Variants in RFTN1 observed in about 807,000 individuals in gnomAD.
RFTN1 encodes raftlin, lipid raft linker 1.
A neutral mutation model predicts 46.5 loss-of-function variants in RFTN1; 26 were observed. That is an observed-to-expected ratio of 0.56 (90% confidence interval 0.41 to 0.78). The LOEUF (loss-of-function observed/expected upper bound fraction) is 0.78, where lower values mean the gene tolerates loss of function less well. RFTN1 is among the 30% of genes least tolerant of loss of function. The pLI, the probability that RFTN1 is intolerant of heterozygous loss-of-function variation, is 0.00. For missense variants in RFTN1, 693 were observed against 718.7 expected (o/e 0.96, Z 0.41); for synonymous variants, 261 against 284.2 (o/e 0.92, Z 0.82).
intron 2 of RFTN1, among the ~76,000 whole-genome samples, chr3:16,470,837 A>C (rs955652424): frequency 6.6e-6 from 1 of 152,242 alleles, no homozygotes; most frequent in Non-Finnish European, 1.5e-5. Flanking sequence ...GTCATAAAAA[A>C]TGTTACCCAT....
chr3:16,363,343 A>G (rs983402471), intron 6 of RFTN1, among the ~76,000 whole-genome samples: 4 of 152,204 alleles, frequency 2.6e-5, no homozygotes, highest in Non-Finnish European at 4.4e-5. Flanking sequence ...CGTCTATGGA[A>G]AACATTCCAT....
chr3:16,405,624 T>C (rs558496384), intron 4 of RFTN1, among the ~76,000 whole-genome samples: 1 of 152,318 alleles, frequency 6.6e-6, no homozygotes, highest in East Asian at 1.9e-4. Context: ...CTTTTCCTAA[T>C]TGTGAGAAAT....
rs1305176133 is a variant in RFTN1, at chr3:16,507,284, A to C, written c.-9+6158T>G. 6.6e-6 allele frequency among the ~76,000 whole-genome samples: 1 copy of C among 152,202 alleles called. No homozygotes were observed. The highest frequency in any genetic ancestry group is 1.5e-5 in the Non-Finnish European group (1 of 68,038). ...TTTTGACCTACTCTGGCCTATAGTC[A>C]TGATTATGCCACACTGAAAAGGGCA... On this transcript the variant is annotated intron_variant, in intron 1 of 9. Coordinates refer to ENST00000334133, the MANE Select transcript of RFTN1 (RefSeq NM_015150.2). This position sits in a 1 kb window ranked among gnomAD's most constrained non-coding sequence, Gnocchi z 7.1.
At position 16,433,912 on chromosome 3, in the gene RFTN1, C is replaced by T. The variant is rs764801487; in HGVS notation, c.271G>A (p.Glu91Lys). Residue 91 changes from glutamate (E) to lysine (K), a missense_variant, in exon 3 of 10, where the codon GAG becomes AAG. By Grantham distance (56) the Glu-to-Lys change is moderately conservative. Transcript: ENST00000334133. This position sits in a 1 kb window ranked among gnomAD's most constrained non-coding sequence, Gnocchi z 4.4. Reference protein sequence around the residue: ...ALHPFVQPTHEREKTPLEHIF... With the variant: ...ALHPFVQPTHKREKTPLEHIF... ...TGCTCCAGGGGCGTCTTCTCCCGCT[C>T]ATGGGTGGGCTGCACGAAGGGGTGC... 42 of 1,614,094 alleles carry T rather than the reference C, an allele frequency of 2.6e-5. No homozygotes were observed. Among genetic ancestry groups the T allele is most frequent in the Middle Eastern group, 1.6e-4 (1 of 6,080 alleles).
At chr3:16,478,060 G>C (rs1227068144) in intron 2 of RFTN1, among the ~76,000 whole-genome samples, 1 of 152,180 alleles carries the variant, frequency 6.6e-6, no homozygotes, top group Non-Finnish European at 1.5e-5. Flanking sequence ...CTTGTTGATG[G>C]TCTTTAAAGG....
chr3:16,367,303 G>A (rs1575146419), intron 6 of RFTN1, among the ~76,000 whole-genome samples: 1 of 151,598 alleles, frequency 6.6e-6, no homozygotes, highest in African/African-American at 2.4e-5. Context: ...CTTAATTCTG[G>A]GAAAAGATCA....
In RFTN1 at chr3:16,317,628, A is replaced by C. The variant is rs553221609; in HGVS notation, c.1333-396T>G. Among the ~76,000 whole-genome samples the C allele has an allele frequency of 6.6e-6, 1 of 152,294 alleles. No individual in the cohort carries two copies. The highest frequency in any genetic ancestry group is 6.5e-5 in the Admixed American group (1 of 15,306). ...GCTGCAGCTACTCATTTCCATTCTG[A>C]GCAGGCTGAGGATTACCAGGCACGG... On this transcript the variant is annotated intron_variant, in intron 9 of 9. Transcript: ENST00000334133. The surrounding 1 kb of genome is among the most constrained non-coding windows in gnomAD (Gnocchi z 4.3).
intron 2 of RFTN1, among the ~76,000 whole-genome samples, chr3:16,438,626 G>T (rs1258264491): frequency 7.1e-6 from 1 of 140,586 alleles, no homozygotes; most frequent in African/African-American, 2.6e-5. Flanking sequence ...AAAGAAGACA[G>T]GTTTCTATAC....
chr3:16,394,152 A>G (rs2125408476), intron 4 of RFTN1, among the ~76,000 whole-genome samples: 1 of 152,178 alleles, frequency 6.6e-6, no homozygotes, highest in African/African-American at 2.4e-5. Flanking sequence ...GGATCACTTG[A>G]GGCCAGAAAA....
At chr3:16,471,107 T>G (rs2076187112) in intron 2 of RFTN1, among the ~76,000 whole-genome samples, 1 of 152,210 alleles carries the variant, frequency 6.6e-6, no homozygotes, top group South Asian at 2.1e-4. Flanking sequence ...GCAAACCATT[T>G]TAATATGCAT....
rs1330914493 is a variant in RFTN1 at position 16,442,974 on chromosome 3, T to C, written c.146-8937A>G. Among the ~76,000 whole-genome samples, 1 of 152,258 alleles carries C rather than the reference T, an allele frequency of 6.6e-6. No homozygotes were observed. Among genetic ancestry groups the C allele is most frequent in the African/African-American group, 2.4e-5 (1 of 41,472 alleles). ...TATATACCATAGTTTATTTATCCAA[T>C]CATCTATTGATGGACATGTAGGTTG... is the stretch of plus-strand genomic sequence containing the variant. On this transcript the variant is annotated intron_variant, in intron 2 of 9. Transcript: ENST00000334133. The surrounding 1 kb of genome is among the most constrained non-coding windows in gnomAD (Gnocchi z 4.1).
rs765619275 is a variant in RFTN1, at chr3:16,345,788, C to CTGTCTGTGTGTGTGTG, written c.1146+12143_1146+12144insCACACACACACAGACA. Reference sequence around the variant, plus strand: ...TGAGCCAAAACCTTATAATAAATCTCTGTGTGTGTGTGTGTGTGTGTGTGT... The same window carrying CTGTCTGTGTGTGTGTG: ...TGAGCCAAAACCTTATAATAAATCTCTGTCTGTGTGTGTGTGTGTGTGTGTGTGTGTGTGTGTGTGT... On this transcript the variant is annotated intron_variant, in intron 7 of 9. Transcript: ENST00000334133. This position sits in a 1 kb window ranked among gnomAD's most constrained non-coding sequence, Gnocchi z 5.2. Among the ~76,000 whole-genome samples the CTGTCTGTGTGTGTGTG allele has an allele frequency of 2.8e-4, 36 of 127,232 alleles. No individual in the cohort carries two copies. Among genetic ancestry groups the CTGTCTGTGTGTGTGTG allele is most frequent in the South Asian group, 5.6e-4 (2 of 3,592 alleles). 83.5% of individuals were successfully genotyped at this position (127,232 alleles called of 152,430 possible).
intron 9 of RFTN1, among the ~76,000 whole-genome samples, chr3:16,318,241 G>C (rs575445467): frequency 6.7e-6 from 1 of 149,336 alleles, no homozygotes; most frequent in Non-Finnish European, 1.5e-5. Flanking sequence ...CAGAGTGCAC[G>C]TGGGGTTTTA....
rs1455177299 is a variant in RFTN1, at chr3:16,422,044, A to G, written c.332+11807T>C. Reference sequence around the variant, plus strand: ...CTCTCCTAATTTTTCAATAAAATATATAAAAATAGACACCTCAGTTCTCCT... The same window carrying G: ...CTCTCCTAATTTTTCAATAAAATATGTAAAAATAGACACCTCAGTTCTCCT... On this transcript the variant is annotated intron_variant, in intron 3 of 9. Transcript: ENST00000334133. This position sits in a 1 kb window ranked among gnomAD's most constrained non-coding sequence, Gnocchi z 4.6. 1.3e-5 allele frequency among the ~76,000 whole-genome samples: 2 copies of G among 152,206 alleles called. No homozygotes were observed. Among genetic ancestry groups the G allele is most frequent in the African/African-American group, 4.8e-5 (2 of 41,448 alleles).
intron 4 of RFTN1, among the ~76,000 whole-genome samples, chr3:16,392,654 T>C (rs551992935): frequency 7.7e-6 from 1 of 129,278 alleles, no homozygotes; most frequent in East Asian, 2.1e-4. Flanking sequence ...AAAAGTTATA[T>C]GTGTATATAT....
In RFTN1 at chr3:16,456,698, T is replaced by C. The variant is rs77938418; in HGVS notation, c.146-22661A>G. 2.4e-3 allele frequency among the ~76,000 whole-genome samples: 369 copies of C among 152,334 alleles called. 2 individuals are homozygous for C. The highest frequency in any genetic ancestry group is 4.2e-3 in the Non-Finnish European group (289 of 68,036). On this transcript the variant is annotated intron_variant, in intron 2 of 9. Transcript: ENST00000334133. Reference sequence around the variant, plus strand: ...ATTTAAAACTAAGACATTTTAAAAATAAGAATATCCAAGCACATATTAATT... The same window carrying C: ...ATTTAAAACTAAGACATTTTAAAAACAAGAATATCCAAGCACATATTAATT...
chr3:16,501,225 T>C (rs1386441199), intron 1 of RFTN1, among the ~76,000 whole-genome samples: 1 of 152,160 alleles, frequency 6.6e-6, no homozygotes, highest in African/African-American at 2.4e-5. Flanking sequence ...TGCGGCACAA[T>C]GTCCTGTGTC....
At chr3:16,392,978 T>A (rs1434982232) in intron 4 of RFTN1, among the ~76,000 whole-genome samples, 1 of 152,196 alleles carries the variant, frequency 6.6e-6, no homozygotes, top group Non-Finnish European at 1.5e-5. Context: ...CTGCAAGCCT[T>A]GGAAACACAC....
Position 16,459,763 on chromosome 3 carries a change from A to ATTAGCCGGGCGTGGTAGCGG in RFTN1, c.146-25727_146-25726insCCGCTACCACGCCCGGCTAA, listed in dbSNP as rs1559357903. Among the ~76,000 whole-genome samples, 1 of 152,162 alleles carries ATTAGCCGGGCGTGGTAGCGG rather than the reference A, an allele frequency of 6.6e-6. No homozygotes were observed. Among genetic ancestry groups the ATTAGCCGGGCGTGGTAGCGG allele is most frequent in the African/African-American group, 2.4e-5 (1 of 41,408 alleles). On this transcript the variant is annotated intron_variant, in intron 2 of 9. Transcript: ENST00000334133. The surrounding 1 kb of genome is among the most constrained non-coding windows in gnomAD (Gnocchi z 4.2). ...TCAATATCATCATGTTATAGAAAAA[A>ATTAGCCGGGCGTGGTAGCGG]GTTGAAAAAGGAACATATTATAGAA... is the stretch of plus-strand genomic sequence containing the variant.
Sources: allele counts gnomAD v4.1 joint callset (sites outside exome capture counted in the v4.1 genomes callset), GRCh38; gene constraint gnomAD v4.1.1; non-coding constraint Gnocchi (gnomAD v3.1); transcripts MANE v1.5; gene names NCBI Gene and HGNC (gene_info 2026-07-23, HGNC 2026-07-21).